ACMSD: variants seen among roughly 807,000 people sequenced by gnomAD.
ACMSD encodes the protein 2-amino-3-carboxymuconate-6-semialdehyde decarboxylase.
ACMSD carries 37 observed loss-of-function variants against 45.9 expected under a neutral mutation model. The ratio of observed to expected loss-of-function variants is 0.81; its 90% CI spans 0.62 to 1.06. The LOEUF (loss-of-function observed/expected upper bound fraction) is 1.06. Ranked by LOEUF, ACMSD falls within the 50% of genes least tolerant of loss-of-function variation. ACMSD has a pLI of 0.00. For synonymous variants in ACMSD, 138 were observed against 148.8 expected (o/e 0.93, Z 0.53); for missense variants, 434 against 420.9 (o/e 1.03, Z -0.27).
intron 4 of ACMSD, chr2:134,863,176 A>T: frequency 1.7e-6 from 1 of 598,390 alleles, no homozygotes; most frequent in Non-Finnish European, 2.1e-6. Context: ...AATTTTTCCA[A>T]TGAATCAGCA....
chr2:134,900,820 T>C (rs974824757), intron 9 of ACMSD, among the ~76,000 whole-genome samples: 1 of 152,178 alleles, frequency 6.6e-6, no homozygotes, highest in Non-Finnish European at 1.5e-5. Context: ...GCAATATAAC[T>C]GGTGGGTTAT....
At chr2:134,871,145 T>C (rs1476277975) in intron 7 of ACMSD, 85 bp downstream of exon 7, 1 of 1,225,940 alleles carries the variant, frequency 8.2e-7, no homozygotes, top group Non-Finnish European at 1.2e-6. Context: ...AGAAATTTAT[T>C]TTCTCACAGT....
At chr2:134,859,487 T>C in intron 3 of ACMSD, 130 bp downstream of exon 3, 1 of 812,670 alleles carries the variant, frequency 1.2e-6, no homozygotes, top group Non-Finnish European at 2.0e-6. Context: ...CTGTTCCAGC[T>C]TCACTGTGGG....
intron 8 of ACMSD, among the ~76,000 whole-genome samples, chr2:134,885,295 A>T (rs1481808858): frequency 2.4e-3 from 120 of 49,772 alleles, no homozygotes; most frequent in Admixed American, 4.7e-3. Flanking sequence ...TTATATTTAT[A>T]TATATATTTA....
chr2:134,871,502 T>C (rs1688433730), intron 7 of ACMSD, among the ~76,000 whole-genome samples: 1 of 137,176 alleles, frequency 7.3e-6, no homozygotes, highest in Admixed American at 8.0e-5. Flanking sequence ...CAAGTTTAGT[T>C]TTGTCATTGT....
At chr2:134,898,745 T>A (rs1040807542) in intron 9 of ACMSD, among the ~76,000 whole-genome samples, 1 of 152,166 alleles carries the variant, frequency 6.6e-6, no homozygotes, top group South Asian at 2.1e-4. Flanking sequence ...ATTTTTTCTA[T>A]ATTACTTCTG....
intron 6 of ACMSD, 116 bp from the exon 7 acceptor site, chr2:134,870,849 C>A: frequency 1.3e-6 from 1 of 794,832 alleles, no homozygotes; most frequent in Non-Finnish European, 2.0e-6. Flanking sequence ...CCAAACTATG[C>A]CAGGGTACAA....
At chr2:134,844,917 C>A (rs985082401) in intron 1 of ACMSD, among the ~76,000 whole-genome samples, 5 of 152,082 alleles carry the variant, frequency 3.3e-5, no homozygotes, top group African/African-American at 1.2e-4. Context: ...CTCCTGGTAG[C>A]CTGTGAAATG....
intron 8 of ACMSD, among the ~76,000 whole-genome samples, chr2:134,876,623 C>A (rs1440213526): frequency 6.6e-6 from 1 of 152,134 alleles, no homozygotes; most frequent in Non-Finnish European, 1.5e-5. Flanking sequence ...ATACCTCTTA[C>A]AGGACTTGCC....
intron 8 of ACMSD, chr2:134,877,791 G>A (rs985825916): frequency 6.6e-5 from 10 of 152,170 alleles, no homozygotes; most frequent in Admixed American, 2.0e-4. Context: ...AAGTCATATA[G>A]TATTAATTCC....
intron 1 of ACMSD, among the ~76,000 whole-genome samples, chr2:134,843,107 A>G (rs762569488): frequency 5.3e-5 from 8 of 152,230 alleles, no homozygotes; most frequent in Non-Finnish European, 7.3e-5. Context: ...TTCACTCTAA[A>G]GTGTAACTGA....
chr2:134,844,465 G>A (rs1686959050), intron 1 of ACMSD: 1 of 152,328 alleles, frequency 6.6e-6, no homozygotes, highest in Admixed American at 6.5e-5. Context: ...AGGGCAGCCA[G>A]TGAAAGGTTT....
chr2:134,862,154 G>C (rs1321888015), intron 4 of ACMSD, 136 bp downstream of exon 4: 1 of 924,922 alleles, frequency 1.1e-6, no homozygotes, highest in Admixed American at 1.7e-5. Context: ...TTAGCGATCA[G>C]CAGGGTCCCC....
intron 8 of ACMSD, among the ~76,000 whole-genome samples, chr2:134,885,823 T>C (rs1689405988): frequency 6.6e-6 from 1 of 152,152 alleles, no homozygotes; most frequent in Non-Finnish European, 1.5e-5. Flanking sequence ...GAGAGGGTCT[T>C]TTAAGCTCAT....
At chr2:134,850,428 C>G (rs923916419) in intron 2 of ACMSD, among the ~76,000 whole-genome samples, 4 of 152,028 alleles carry the variant, frequency 2.6e-5, no homozygotes, top group African/African-American at 9.6e-5. Context: ...GCCACCACAC[C>G]CAGCTAATTT....
Position 134,861,977 on chromosome 2 carries a change from G to A in ACMSD, c.208G>A (p.Val70Met), listed in dbSNP as rs1193666602. The A allele has an allele frequency of 6.2e-7, 1 of 1,614,152 alleles. No individual in the cohort carries two copies. Among genetic ancestry groups the A allele is most frequent in the East Asian group, 2.2e-5 (1 of 44,884 alleles). ...IREMDQKGVT[V>M]QALSTVPVMF... ...TTTGTGTCCATGTCTAGGAGTAACAGTGCAAGCCCTTTCCACAGTTCCTGT... is the reference window on the plus strand; with the variant it reads ...TTTGTGTCCATGTCTAGGAGTAACAATGCAAGCCCTTTCCACAGTTCCTGT... The change falls in exon 4 of 10, where the codon GTG becomes ATG. Residue 70 changes from valine to methionine, a missense_variant. Physicochemically the swap from Val to Met is conservative, Grantham distance 21 (BLOSUM62 1). Transcript: ENST00000356140.
chr2:134,875,140 A>G (rs954999169), intron 8 of ACMSD, among the ~76,000 whole-genome samples: 4 of 152,136 alleles, frequency 2.6e-5, no homozygotes, highest in Middle Eastern at 3.2e-3. Context: ...AGCTAGGACT[A>G]CAGGTACACA....
At position 134,898,362 on chromosome 2, in the gene ACMSD, G is replaced by C. The variant is rs747139683; in HGVS notation, c.871G>C (p.Asp291His). 1 of 1,594,696 alleles carries C rather than the reference G, an allele frequency of 6.3e-7. No homozygotes were observed. The highest frequency in any genetic ancestry group is 8.5e-7 in the Non-Finnish European group (1 of 1,172,188). Residue 291 changes from aspartate (D) to histidine (H), a missense_variant, in exon 9 of 10, where the codon GAT becomes CAT. Transcript: ENST00000356140. ...TTAGGATAAAGTCATTTTGGGAACCGATTACCCCTTTCCACTAGGTGAGCT... is the reference window on the plus strand; with the variant it reads ...TTAGGATAAAGTCATTTTGGGAACCCATTACCCCTTTCCACTAGGTGAGCT... ...IGKDKVILGTDYPFPLGELEP... is the reference protein window; with the variant it reads ...IGKDKVILGTHYPFPLGELEP...
chr2:134,886,536 A>C (rs1292479936), intron 8 of ACMSD, among the ~76,000 whole-genome samples: 1 of 152,128 alleles, frequency 6.6e-6, no homozygotes, highest in Non-Finnish European at 1.5e-5. Context: ...GGCGTGAGCC[A>C]CTGCGCCCGG....
Sources: gnomAD v4.1 joint callset for allele counts (sites outside exome capture counted in the v4.1 genomes callset) on GRCh38, gnomAD v4.1.1 for gene constraint, MANE v1.5 for transcripts, NCBI Gene and HGNC (gene_info 2026-07-23, HGNC 2026-07-21) for gene names.